The following SQOR variants were observed in gnomAD, a reference collection of about 807,000 sequenced individuals.
SQOR encodes the protein sulfide quinone oxidoreductase.
A neutral mutation model predicts 48.6 loss-of-function variants in SQOR; 39 were observed. The observed-to-expected ratio is 0.80, with a 90% confidence interval of 0.62 to 1.05. The LOEUF (loss-of-function observed/expected upper bound fraction) is 1.05, where lower values mean the gene tolerates loss of function less well. SQOR is among the 50% of genes least tolerant of loss of function. SQOR has a pLI of 0.00. For synonymous variants in SQOR, 220 were observed against 206.2 expected, an observed-to-expected ratio of 1.07 and a Z score of -0.57; for missense variants, 561 against 559.9, an observed-to-expected ratio of 1.00 and a Z score of -0.02.
At chr15:45,685,955 C>A (rs1890215412) in intron 7 of SQOR, among the ~76,000 whole-genome samples, 1 of 149,474 alleles carries the variant, frequency 6.7e-6, no homozygotes, top group Non-Finnish European at 1.5e-5. Context: ...CCTTCCACTT[C>A]AACCCCCACC....
intron 7 of SQOR, among the ~76,000 whole-genome samples, chr15:45,687,534 G>A (rs978361277): frequency 6.6e-6 from 1 of 152,186 alleles, no homozygotes; most frequent in African/African-American, 2.4e-5. Flanking sequence ...CCCCATCAGA[G>A]ATACAGACAG....
In SQOR at chr15:45,673,696, G is replaced by C. The variant is rs779780017; in HGVS notation, c.549G>C (p.Gln183His). 6.2e-7 allele frequency: 1 copy of C among 1,614,190 alleles called. No homozygotes were observed. The highest frequency in any genetic ancestry group is 1.1e-5 in the South Asian group (1 of 91,084). The change falls in exon 5 of 10, where the codon CAG becomes CAC. Residue 183 changes from glutamine (Q) to histidine (H), a missense_variant. Coordinates refer to ENST00000260324, the MANE Select transcript of SQOR (RefSeq NM_021199.4). ...KTVEKTWKAL[Q>H]DFKEGNAIFT... ...TAGAGAAGACATGGAAAGCTCTGCA[G>C]GACTTCAAAGAGGGCAATGCCATCT...
intron 7 of SQOR, among the ~76,000 whole-genome samples, chr15:45,687,743 T>TTCTG (rs56081932): frequency 2.0e-5 from 3 of 151,982 alleles, no homozygotes; most frequent in African/African-American, 4.8e-5. Flanking sequence ...CTGTCTGTCG[T>TTCTG]TCTGTCTGTC....
chr15:45,633,808 T>C (rs1894944588), upstream of SQOR, among the ~76,000 whole-genome samples: 1 of 152,046 alleles, frequency 6.6e-6, no homozygotes, highest in Non-Finnish European at 1.5e-5. Context: ...GTATTGTTCA[T>C]GATGATTTTG....
intron 9 of SQOR, among the ~76,000 whole-genome samples, chr15:45,690,135 A>G (rs2140965904): frequency 8.5e-6 from 1 of 117,130 alleles, no homozygotes; most frequent in South Asian, 2.6e-4. Flanking sequence ...GTGTGATCTC[A>G]GCTCGCTGCA....
intron 2 of SQOR, 52 bp from the exon 3 acceptor site, chr15:45,661,903 C>T (rs1460659176): frequency 1.9e-6 from 3 of 1,557,044 alleles, no homozygotes; most frequent in Non-Finnish European, 2.6e-6. Context: ...AGCTATGACC[C>T]CTTTTGATCA....
chr15:45,666,482 A>G (rs963168361), intron 3 of SQOR, among the ~76,000 whole-genome samples: 8 of 152,180 alleles, frequency 5.3e-5, no homozygotes, highest in African/African-American at 1.9e-4. Flanking sequence ...AATAATAATA[A>G]TAATAGTACC....
At position 45,662,005 on chromosome 15, in the gene SQOR, A is replaced by C. The variant is rs767592938; in HGVS notation, c.285A>C (p.Gln95His). 1.9e-6 allele frequency: 3 copies of C among 1,614,212 alleles called. No individual in the cohort carries two copies. In the Admixed American group the frequency reaches 5.0e-5, roughly 27 times the overall value. The part of the protein sequence containing the change: ...IWTLVGAGAK[Q>H]LSSSGRPTAS... The stretch of plus-strand genomic sequence containing the variant: ...CACTGGTGGGTGCTGGTGCCAAACA[A>C]TTGTCCTCATCTGGTCGTCCCACGG... Residue 95 changes from glutamine (Q) to histidine (H), a missense_variant, in exon 3 of 10, where the codon CAA (glutamine) becomes CAC (histidine). Transcript: ENST00000260324.
At position 45,661,988 on chromosome 15, in the gene SQOR, G is replaced by C; in HGVS notation, c.268G>C (p.Gly90Arg). ...HFYQPIWTLV[G>R]AGAKQLSSSG... ...CTACCAGCCAATCTGGACACTGGTGGGTGCTGGTGCCAAACAATTGTCCTC... is the reference window on the plus strand; with the variant it reads ...CTACCAGCCAATCTGGACACTGGTGCGTGCTGGTGCCAAACAATTGTCCTC... Residue 90 changes from glycine (G) to arginine (R), a missense_variant, in exon 3 of 10, where the codon GGT (glycine) becomes CGT (arginine). Physicochemically the swap from Gly to Arg is moderately radical, Grantham distance 125. Coordinates refer to ENST00000260324, the MANE Select transcript of SQOR (RefSeq NM_021199.4). 1 of 1,614,174 alleles carries C rather than the reference G, an allele frequency of 6.2e-7. No homozygotes were observed. The highest frequency in any genetic ancestry group is 8.5e-7 in the Non-Finnish European group (1 of 1,180,026).
Position 45,688,226 on chromosome 15 carries a change from T to C in SQOR, c.1049-111T>C. ...AGAAGGTCATGTTCTAGTCACAGTCTTGAGGGATGGGAAATGGAATCTTCT... is the reference window on the plus strand; with the variant it reads ...AGAAGGTCATGTTCTAGTCACAGTCCTGAGGGATGGGAAATGGAATCTTCT... On this transcript the variant is annotated intron_variant, in intron 7 of 9. Coordinates refer to ENST00000260324, the MANE Select transcript of SQOR (RefSeq NM_021199.4). 3 of 734,392 alleles carry C rather than the reference T, an allele frequency of 4.1e-6. No individual in the cohort carries two copies. The South Asian group carries it at 5.4e-5, about 13-fold the overall frequency. 45.5% of individuals were successfully genotyped at this position (734,392 alleles called of 1,614,324 possible).
intron 7 of SQOR, among the ~76,000 whole-genome samples, chr15:45,685,481 C>T (rs1458955969): frequency 6.6e-6 from 1 of 152,170 alleles, no homozygotes; most frequent in South Asian, 2.1e-4. Flanking sequence ...ACTCCCAGCA[C>T]AGCTAAGATC....
intron 1 of SQOR, among the ~76,000 whole-genome samples, chr15:45,637,364 C>T (rs927268022): frequency 7.9e-5 from 12 of 152,144 alleles, no homozygotes; most frequent in Admixed American, 2.0e-4. Context: ...CAGCACTGCA[C>T]TTAGTGTAGA....
intron 1 of SQOR, among the ~76,000 whole-genome samples, chr15:45,654,071 A>G (rs113176754): frequency 0.24 from 36,782 of 150,992 alleles, 4,808 homozygotes; most frequent in Admixed American, 0.32. Context: ...GCAGTGAGCC[A>G]AGATCTCCCC....
Position 45,676,216 on chromosome 15 carries a change from T to G in SQOR, c.770T>G (p.Val257Gly). Residue 257 changes from valine to glycine, a missense_variant, in exon 6 of 10, where the codon GTT becomes GGT. Physicochemically the swap from Val to Gly is moderately radical, Grantham distance 109. Transcript: ENST00000260324. ...QEIIQERNLT[V>G]NYKKNLIEVR... ...ATCATCCAGGAGCGGAACCTCACTG[T>G]TAACTACAAGAAAAACCTCATTGAA... is the stretch of plus-strand genomic sequence containing the variant. The G allele has an allele frequency of 1.2e-6, 2 of 1,614,156 alleles. No homozygotes were observed. Among genetic ancestry groups the G allele is most frequent in the Non-Finnish European group, 1.7e-6 (2 of 1,180,020 alleles).
At chr15:45,690,103 GC>G in intron 9 of SQOR, among the ~76,000 whole-genome samples, 1 of 104,142 alleles carries the variant, frequency 9.6e-6, no homozygotes, top group Non-Finnish European at 2.2e-5. Flanking sequence ...TTTTTTGGAG[GC>G]AAAGTCTTGC....
intron 1 of SQOR, among the ~76,000 whole-genome samples, chr15:45,641,447 T>C (rs1441667531): frequency 6.6e-6 from 1 of 152,226 alleles, no homozygotes; most frequent in Non-Finnish European, 1.5e-5. Flanking sequence ...TTGTTCCTAT[T>C]TCCCCAGTGA....
chr15:45,690,608 C>A (rs1289065138), intron 9 of SQOR, among the ~76,000 whole-genome samples: 1 of 152,118 alleles, frequency 6.6e-6, no homozygotes, highest in Non-Finnish European at 1.5e-5. Context: ...CCAGGTCAGC[C>A]CCCAACAGCA....
chr15:45,653,177 T>C (rs1661786900), intron 1 of SQOR, among the ~76,000 whole-genome samples: 1 of 152,186 alleles, frequency 6.6e-6, no homozygotes, highest in African/African-American at 2.4e-5. Flanking sequence ...AATTGTGGCA[T>C]TAGCTCCCGG....
At chr15:45,648,898 C>A (rs538518335) in intron 1 of SQOR, among the ~76,000 whole-genome samples, 11 of 152,310 alleles carry the variant, frequency 7.2e-5, no homozygotes, top group African/African-American at 2.4e-4. Context: ...GTTATTGAAA[C>A]CCAAAGCAGA....
Sources: allele counts gnomAD v4.1 joint callset (sites outside exome capture counted in the v4.1 genomes callset), GRCh38; gene constraint gnomAD v4.1.1; transcripts MANE v1.5; gene names NCBI Gene and HGNC (gene_info 2026-07-23, HGNC 2026-07-21).